The following MACROD2 variants were observed in gnomAD, a reference collection of about 807,000 sequenced individuals.
The protein encoded by MACROD2 is ADP-ribose glycohydrolase MACROD2.
Under a neutral mutation model 70.4 loss-of-function variants are expected in MACROD2, and 36 were observed. The ratio of observed to expected loss-of-function variants is 0.51; its 90% CI spans 0.39 to 0.68. The LOEUF (loss-of-function observed/expected upper bound fraction) is 0.68, where lower values mean the gene tolerates loss of function less well. Ranked by LOEUF, MACROD2 falls within the 30% of genes least tolerant of loss-of-function variation. The pLI, the probability that MACROD2 is intolerant of heterozygous loss-of-function variation, is 0.00. For missense variants in MACROD2, 496 were observed against 538.4 expected, an observed-to-expected ratio of 0.92 and a Z score of 0.78; for synonymous variants, 172 against 178.8, an observed-to-expected ratio of 0.96 and a Z score of 0.30.
At chr20:15,802,496 TTTGTGTATGTTG>T (rs2147074258) in intron 8 of MACROD2, among the ~76,000 whole-genome samples, 1 of 152,324 alleles carries the variant, frequency 6.6e-6, no homozygotes, top group East Asian at 1.9e-4. Context: ...ATCACATTTA[TTTGTGTATGTTG>T]AACTGTCCTT....
intron 5 of MACROD2, among the ~76,000 whole-genome samples, chr20:15,160,054 T>C (rs1264478038): frequency 6.8e-6 from 1 of 146,096 alleles, no homozygotes; most frequent in Non-Finnish European, 1.5e-5. Context: ...ATGTTAGAAA[T>C]GTAAATGGAG....
chr20:14,957,857 T>C (rs57778713), intron 5 of MACROD2, among the ~76,000 whole-genome samples: 34,691 of 151,724 alleles, frequency 0.23, 5,455 homozygotes, highest in African/African-American at 0.42. Context: ...AATTTTATTG[T>C]ACTATGCATC....
intron 4 of MACROD2, among the ~76,000 whole-genome samples, chr20:14,646,103 A>G (rs1052085048): frequency 6.7e-6 from 1 of 149,618 alleles, no homozygotes; most frequent in African/African-American, 2.4e-5. Context: ...GGAAAAATTT[A>G]TATTTTATAC....
chr20:15,129,906 T>C (rs1299611735), intron 5 of MACROD2, among the ~76,000 whole-genome samples: 1 of 152,214 alleles, frequency 6.6e-6, no homozygotes, highest in East Asian at 1.9e-4. Flanking sequence ...TCATAGAGAT[T>C]AATTTCTGGC....
chr20:15,008,579 C>A (rs992076261), intron 5 of MACROD2, among the ~76,000 whole-genome samples: 2 of 152,084 alleles, frequency 1.3e-5, no homozygotes, highest in African/African-American at 4.8e-5. Flanking sequence ...GATGGATGCA[C>A]ACGCAGATAA....
chr20:14,607,691 A>G (rs1238855116), intron 4 of MACROD2, among the ~76,000 whole-genome samples: 1 of 152,190 alleles, frequency 6.6e-6, no homozygotes, highest in Admixed American at 6.5e-5. Context: ...TTCCTTTGTT[A>G]TAACGCTACA....
intron 5 of MACROD2, among the ~76,000 whole-genome samples, chr20:14,695,920 A>G (rs976329092): frequency 2.0e-5 from 3 of 152,220 alleles, no homozygotes; most frequent in Non-Finnish European, 4.4e-5. Context: ...ACGTAGCAAT[A>G]GGTAGCTAAT....
chr20:15,844,462 G>A (rs1225290478), intron 8 of MACROD2, among the ~76,000 whole-genome samples: 3 of 152,156 alleles, frequency 2.0e-5, no homozygotes, highest in African/African-American at 7.2e-5. Flanking sequence ...AGATAGCCTA[G>A]TGAGGTAATT....
intron 15 of MACROD2, among the ~76,000 whole-genome samples, chr20:16,004,417 G>A (rs1568701607): frequency 6.6e-6 from 1 of 152,194 alleles, no homozygotes; most frequent in Non-Finnish European, 1.5e-5. Context: ...ATATATTGGA[G>A]TTGTGTATAC....
intron 3 of MACROD2, among the ~76,000 whole-genome samples, chr20:14,334,330 A>G (rs1226133571): frequency 6.6e-6 from 1 of 152,204 alleles, no homozygotes; most frequent in African/African-American, 2.4e-5. Flanking sequence ...TATTTTCTTA[A>G]GAGGAAGAAT....
chr20:14,028,605 C>T (rs974932551), intron 2 of MACROD2, among the ~76,000 whole-genome samples: 11 of 152,280 alleles, frequency 7.2e-5, no homozygotes, highest in South Asian at 2.1e-4. Context: ...ATGGGAAAAG[C>T]GTAGTATCCA....
At chr20:15,479,466 G>T (rs944979541) in intron 7 of MACROD2, among the ~76,000 whole-genome samples, 1 of 151,478 alleles carries the variant, frequency 6.6e-6, no homozygotes, top group South Asian at 2.1e-4. Flanking sequence ...TAGAGACGGG[G>T]TTTCACCGTT....
intron 3 of MACROD2, among the ~76,000 whole-genome samples, chr20:14,470,976 A>G (rs1413866241): frequency 1.3e-5 from 2 of 152,138 alleles, no homozygotes; most frequent in Non-Finnish European, 2.9e-5. Flanking sequence ...GGGTATGTAA[A>G]AAACTCTTGC....
At chr20:14,415,379 C>T (rs1276534321) in intron 3 of MACROD2, among the ~76,000 whole-genome samples, 3 of 148,092 alleles carry the variant, frequency 2.0e-5, no homozygotes, top group Non-Finnish European at 4.4e-5. Context: ...TAAATATTTG[C>T]ATGTATATTT....
chr20:14,844,971 A>G (rs1162164026), intron 5 of MACROD2, among the ~76,000 whole-genome samples: 2 of 152,058 alleles, frequency 1.3e-5, no homozygotes, highest in African/African-American at 4.8e-5. Flanking sequence ...GCCTTTGTCC[A>G]TGGCCTTAAA....
At chr20:14,984,917 A>G (rs976039212) in intron 5 of MACROD2, among the ~76,000 whole-genome samples, 4 of 152,182 alleles carry the variant, frequency 2.6e-5, no homozygotes, top group African/African-American at 7.2e-5. Flanking sequence ...TAACAAAGCC[A>G]GATAAAAGTG....
At chr20:15,872,167 C>T (rs371753283) in intron 9 of MACROD2, among the ~76,000 whole-genome samples, 7 of 152,192 alleles carry the variant, frequency 4.6e-5, no homozygotes, top group African/African-American at 1.7e-4. Context: ...AGGGCTAGAG[C>T]TCCTGAAAAG....
intron 4 of MACROD2, among the ~76,000 whole-genome samples, chr20:14,569,004 T>G (rs1980000921): frequency 6.6e-6 from 1 of 151,946 alleles, no homozygotes; most frequent in South Asian, 2.1e-4. Flanking sequence ...ATCTTTGAAG[T>G]GCCAAGGAGA....
intron 3 of MACROD2, among the ~76,000 whole-genome samples, chr20:14,380,656 A>G (rs949684592): frequency 2.6e-5 from 4 of 152,060 alleles, no homozygotes; most frequent in Admixed American, 6.6e-5. Context: ...CTGGTGGAAG[A>G]GATTATTCTT....
Sources: allele counts gnomAD v4.1 joint callset (sites outside exome capture counted in the v4.1 genomes callset), GRCh38; gene constraint gnomAD v4.1.1; transcripts MANE v1.5; gene names NCBI Gene and HGNC (gene_info 2026-07-23, HGNC 2026-07-21).